The following DGKB variants were observed in gnomAD, a reference collection of about 807,000 sequenced individuals.
The protein encoded by DGKB is diacylglycerol kinase beta, also known as 90 kDa diacylglycerol kinase.
A neutral mutation model predicts 114.3 loss-of-function variants in DGKB; 67 were observed. The observed-to-expected ratio is 0.59, with a 90% CI of 0.48 to 0.72. The LOEUF (loss-of-function observed/expected upper bound fraction) is 0.72. Ranked by LOEUF, DGKB falls within the 30% of genes least tolerant of loss-of-function variation. DGKB has a pLI of 0.00. For synonymous variants in DGKB, 398 were observed against 323.1 expected (o/e 1.23, Z -2.49); for missense variants, 907 against 975.2 (o/e 0.93, Z 0.93).
intron 23 of DGKB, among the ~76,000 whole-genome samples, chr7:14,247,069 A>G (rs1285841816): frequency 1.3e-5 from 2 of 152,122 alleles, no homozygotes; most frequent in East Asian, 3.9e-4. Flanking sequence ...GATTGCACAT[A>G]TAAGTGAGAT....
At chr7:14,761,350 G>A (rs1197611690) in intron 2 of DGKB, among the ~76,000 whole-genome samples, 1 of 152,088 alleles carries the variant, frequency 6.6e-6, no homozygotes, top group Non-Finnish European at 1.5e-5. Context: ...TGTCTTCTTG[G>A]ACACCCAAAT....
chr7:14,636,404 C>G (rs536278998), intron 13 of DGKB, among the ~76,000 whole-genome samples: 32 of 151,800 alleles, frequency 2.1e-4, no homozygotes, highest in African/African-American at 7.5e-4. Context: ...TAAAATGTTA[C>G]TGAAATAAAA....
chr7:14,490,149 T>A (rs534693098), intron 20 of DGKB, among the ~76,000 whole-genome samples: 52 of 152,176 alleles, frequency 3.4e-4, no homozygotes, highest in Non-Finnish European at 3.7e-4. Context: ...GAGAAAAAGC[T>A]GAAACTTAAT....
At chr7:14,309,687 T>A (rs1163819576) in intron 23 of DGKB, among the ~76,000 whole-genome samples, 1 of 152,176 alleles carries the variant, frequency 6.6e-6, no homozygotes, top group African/African-American at 2.4e-5. Flanking sequence ...TGACAAAGGG[T>A]AGATTTCTTA....
At chr7:14,313,778 C>G (rs944109375) in intron 23 of DGKB, among the ~76,000 whole-genome samples, 2 of 152,164 alleles carry the variant, frequency 1.3e-5, no homozygotes, top group African/African-American at 4.8e-5. Context: ...GTGGAGCCCA[C>G]CACAGCTCAA....
upstream of DGKB, among the ~76,000 whole-genome samples, chr7:14,907,351 A>T (rs1409137174): frequency 6.6e-6 from 1 of 152,200 alleles, no homozygotes; most frequent in Admixed American, 6.5e-5. Flanking sequence ...GACGTGCTTC[A>T]ATTCCCAGCT....
chr7:14,939,562 A>G (rs560527420), intron 1 of DGKB, among the ~76,000 whole-genome samples: 1 of 152,038 alleles, frequency 6.6e-6, no homozygotes. Context: ...AGAAGTTTAA[A>G]ACATACTTGA....
chr7:14,298,447 C>T (rs1333312580), intron 23 of DGKB, among the ~76,000 whole-genome samples: 2 of 152,102 alleles, frequency 1.3e-5, no homozygotes, highest in African/African-American at 4.8e-5. Flanking sequence ...CAAAAACAAG[C>T]AATGGGGAAA....
chr7:14,363,139 T>C (rs1434037786), intron 21 of DGKB, among the ~76,000 whole-genome samples: 1 of 152,136 alleles, frequency 6.6e-6, no homozygotes, highest in Non-Finnish European at 1.5e-5. Flanking sequence ...ACCAGATTAC[T>C]GTTGCTAAAA....
intron 20 of DGKB, among the ~76,000 whole-genome samples, chr7:14,543,287 T>C (rs905766933): frequency 1.3e-5 from 2 of 151,314 alleles, no homozygotes; most frequent in Non-Finnish European, 2.9e-5. Flanking sequence ...CTACAAAAAA[T>C]AGAAAAATTA....
At chr7:14,559,988 C>T (rs1441826282) in intron 20 of DGKB, among the ~76,000 whole-genome samples, 1 of 150,430 alleles carries the variant, frequency 6.6e-6, no homozygotes, top group Non-Finnish European at 1.5e-5. Flanking sequence ...TTTTTGCCTT[C>T]CTCTCTTTTT....
intron 15 of DGKB, among the ~76,000 whole-genome samples, chr7:14,619,114 C>G (rs1807123108): frequency 6.6e-6 from 1 of 151,356 alleles, no homozygotes; most frequent in African/African-American, 2.4e-5. Flanking sequence ...TGAGGTACAA[C>G]AGGCTTTTGC....
chr7:14,267,613 C>G (rs38270), intron 23 of DGKB, among the ~76,000 whole-genome samples: 3 of 151,690 alleles, frequency 2.0e-5, no homozygotes, highest in South Asian at 2.1e-4. Flanking sequence ...CTCAGCCTCC[C>G]GAGTAGCTGG....
rs778648538 is a variant in DGKB, at chr7:14,682,680, A to G, written c.919-11T>C. The G allele has an allele frequency of 3.7e-5, 59 of 1,610,954 alleles. No homozygotes were observed. Among genetic ancestry groups the G allele is most frequent in the Non-Finnish European group, 4.6e-5 (54 of 1,177,420 alleles). On this transcript the variant is annotated splice_polypyrimidine_tract_variant and intron_variant, in intron 11 of 25. Coordinates refer to ENST00000402815, the MANE Select transcript of DGKB (RefSeq NM_001350709.2). Reference sequence around the variant, plus strand: ...GTAATGGTGCATGACCTAGAACAGAATGACAACATTGTGATAAGAGGACAC... The same window carrying G: ...GTAATGGTGCATGACCTAGAACAGAGTGACAACATTGTGATAAGAGGACAC...
At chr7:14,895,950 A>T (rs1477711454) in intron 1 of DGKB, among the ~76,000 whole-genome samples, 1 of 151,750 alleles carries the variant, frequency 6.6e-6, no homozygotes, top group Non-Finnish European at 1.5e-5. Flanking sequence ...TCAGCAAAAC[A>T]AGTTACTGAA....
At chr7:14,442,629 A>C (rs962221517) in intron 21 of DGKB, among the ~76,000 whole-genome samples, 4 of 152,082 alleles carry the variant, frequency 2.6e-5, no homozygotes, top group African/African-American at 9.7e-5. Flanking sequence ...ATTTCCTGTA[A>C]ATTTCTATAA....
chr7:14,313,012 A>G (rs1424620354), intron 23 of DGKB, among the ~76,000 whole-genome samples: 5 of 152,192 alleles, frequency 3.3e-5, no homozygotes, highest in African/African-American at 1.2e-4. Context: ...TAGTTAAGAA[A>G]TCCATTCAAA....
chr7:14,278,621 A>G (rs1029043439), intron 23 of DGKB, among the ~76,000 whole-genome samples: 1 of 152,218 alleles, frequency 6.6e-6, no homozygotes, highest in Non-Finnish European at 1.5e-5. Flanking sequence ...CACAGTCAAC[A>G]AAAAGTAGAC....
At chr7:14,325,260 G>T (rs144901605) in intron 23 of DGKB, among the ~76,000 whole-genome samples, 2 of 152,212 alleles carry the variant, frequency 1.3e-5, no homozygotes, top group African/African-American at 4.8e-5. Context: ...GAGGTGATGT[G>T]GTCTCTGTTG....
Sources: gnomAD v4.1 joint callset for allele counts (sites outside exome capture counted in the v4.1 genomes callset) on GRCh38, gnomAD v4.1.1 for gene constraint, MANE v1.5 for transcripts, NCBI Gene and HGNC (gene_info 2026-07-23, HGNC 2026-07-21) for gene names.